Variants in KYNU observed in about 807,000 individuals in gnomAD.
The protein encoded by KYNU is L-kynurenine hydrolase.
KYNU carries 54 observed loss-of-function variants against 59.2 expected under a neutral mutation model. The ratio of observed to expected loss-of-function variants is 0.91; its 90% confidence interval spans 0.73 to 1.14. The LOEUF is 1.14. Ranked by LOEUF, KYNU falls within the 50% of genes most tolerant of loss-of-function variation. The pLI, the probability that KYNU is intolerant of heterozygous loss-of-function variation, is 0.00. For synonymous variants in KYNU, 177 were observed against 192.0 expected, an observed-to-expected ratio of 0.92 and a Z score of 0.65; for missense variants, 567 against 554.4, an observed-to-expected ratio of 1.02 and a Z score of -0.23.
At chr2:142,995,612 TGGCATGCCATGCCAAGCCTTCTAATG>T (rs1297704130) in intron 10 of KYNU, among the ~76,000 whole-genome samples, 1 of 152,116 alleles carries the variant, frequency 6.6e-6, no homozygotes, top group Non-Finnish European at 1.5e-5. Flanking sequence ...TTTAATGGCA[TGGCATGCCATGCCAAGCCTTCTAATG>T]GGCATGCTTG....
intron 4 of KYNU, chr2:142,953,897 A>C: frequency 6.6e-6 from 1 of 152,166 alleles, no homozygotes; most frequent in East Asian, 1.9e-4. Flanking sequence ...GAATCTGTCA[A>C]TTAGATTTAT....
intron 10 of KYNU, among the ~76,000 whole-genome samples, chr2:143,027,326 T>C (rs906301327): frequency 6.6e-6 from 1 of 152,212 alleles, no homozygotes; most frequent in Non-Finnish European, 1.5e-5. Context: ...TATTCAACAG[T>C]GGTTGATTTC....
Position 142,885,463 on chromosome 2 carries a change from C to A in KYNU, c.96C>A (p.His32Gln), listed in dbSNP as rs755209107. Residue 32 changes from histidine to glutamine, a missense_variant, in exon 2 of 14, where the codon CAC becomes CAA. By Grantham distance (24) the His-to-Gln change is conservative. Transcript: ENST00000264170. ...CAACGGATGAGAGGGTGGCTCTCCA[C>A]CTAGATGAGGAAGATAAGCTGAGGC... Reference protein sequence around the residue: ...CHPTDERVALHLDEEDKLRHF... With the variant: ...CHPTDERVALQLDEEDKLRHF... 1.2e-6 allele frequency: 2 copies of A among 1,613,990 alleles called. No individual in the cohort carries two copies. The highest frequency in any genetic ancestry group is 4.5e-5 in the East Asian group (2 of 44,854).
At chr2:142,947,596 T>G (rs1339865048) in intron 4 of KYNU, 1 of 166,904 alleles carries the variant, frequency 6.0e-6, no homozygotes, top group African/African-American at 2.4e-5. Flanking sequence ...TAGGTCAGGT[T>G]TTTTTTCATC....
chr2:143,017,876 G>A (rs549249022), intron 10 of KYNU, among the ~76,000 whole-genome samples: 2 of 152,170 alleles, frequency 1.3e-5, no homozygotes, highest in South Asian at 4.1e-4. Flanking sequence ...CTTTTGAGAA[G>A]CATCTGTTCA....
intron 4 of KYNU, 143 bp downstream of exon 4, chr2:142,927,884 A>G (rs1271584360): frequency 4.9e-6 from 3 of 615,850 alleles, no homozygotes; most frequent in Non-Finnish European, 8.7e-6. Flanking sequence ...AAGGAAGTAC[A>G]CTTTCAACTT....
chr2:142,992,527 T>C (rs2105173900), intron 10 of KYNU, among the ~76,000 whole-genome samples: 1 of 151,974 alleles, frequency 6.6e-6, no homozygotes, highest in African/African-American at 2.4e-5. Context: ...TGTCAAACCT[T>C]CTGCCATTGA....
intron 10 of KYNU, among the ~76,000 whole-genome samples, chr2:143,027,960 T>A (rs1288435828): frequency 6.6e-6 from 1 of 152,032 alleles, no homozygotes; most frequent in South Asian, 2.1e-4. Context: ...TAAGATACTA[T>A]TACAAGATAA....
At chr2:142,967,978 A>G (rs1391645908) in intron 8 of KYNU, among the ~76,000 whole-genome samples, 1 of 152,222 alleles carries the variant, frequency 6.6e-6, no homozygotes, top group East Asian at 1.9e-4. Context: ...CATAAAAATT[A>G]ACCTCTTTCA....
intron 4 of KYNU, among the ~76,000 whole-genome samples, chr2:142,938,435 T>G (rs1683466883): frequency 1.3e-5 from 2 of 152,258 alleles, no homozygotes; most frequent in African/African-American, 4.8e-5. Context: ...GAAAGTGACA[T>G]ACAGAGAAGG....
intron 12 of KYNU, 151 bp downstream of exon 12, chr2:143,033,472 C>G (rs1271149641): frequency 5.3e-6 from 4 of 751,122 alleles, no homozygotes; most frequent in Non-Finnish European, 9.8e-6. Context: ...CCCTTTAGGA[C>G]AGTGATGATG....
chr2:143,027,908 G>A (rs563502551), intron 10 of KYNU, among the ~76,000 whole-genome samples: 71 of 152,006 alleles, frequency 4.7e-4, no homozygotes, highest in Non-Finnish European at 8.1e-4. Flanking sequence ...TCTCATTTAT[G>A]TACTGCATTT....
chr2:142,897,836 C>A (rs1053936706), intron 2 of KYNU, among the ~76,000 whole-genome samples: 4 of 152,164 alleles, frequency 2.6e-5, no homozygotes, highest in Non-Finnish European at 5.9e-5. Flanking sequence ...AGAATATTAT[C>A]TTTACATACA....
intron 12 of KYNU, among the ~76,000 whole-genome samples, chr2:143,037,620 C>A (rs1486530919): frequency 6.6e-6 from 1 of 152,018 alleles, no homozygotes; most frequent in Non-Finnish European, 1.5e-5. Context: ...ACTTATCTAG[C>A]TTTTCAAGCT....
chr2:142,939,779 T>G (rs559685549), intron 4 of KYNU, among the ~76,000 whole-genome samples: 33 of 152,086 alleles, frequency 2.2e-4, no homozygotes, highest in African/African-American at 6.8e-4. Flanking sequence ...AATTTACAAC[T>G]ATTATTGAAG....
chr2:142,957,569 T>C (rs1684208965), intron 6 of KYNU, 72 bp from the exon 7 acceptor site: 1 of 939,552 alleles, frequency 1.1e-6, no homozygotes, highest in Non-Finnish European at 1.7e-6. Flanking sequence ...ATTTTTACTT[T>C]ATTATTTGTT....
intron 8 of KYNU, among the ~76,000 whole-genome samples, chr2:142,973,306 A>C (rs1168972713): frequency 1.3e-5 from 2 of 152,154 alleles, no homozygotes; most frequent in Non-Finnish European, 2.9e-5. Flanking sequence ...CTAAATGTCA[A>C]GAAGGCATAG....
At chr2:142,921,051 T>C (rs970191541) in intron 3 of KYNU, among the ~76,000 whole-genome samples, 1 of 152,176 alleles carries the variant, frequency 6.6e-6, no homozygotes, top group Middle Eastern at 3.2e-3. Flanking sequence ...GCCAATTAAT[T>C]GACAACAGAC....
intron 8 of KYNU, among the ~76,000 whole-genome samples, chr2:142,965,168 T>C (rs1684487698): frequency 6.6e-6 from 1 of 152,156 alleles, no homozygotes; most frequent in Non-Finnish European, 1.5e-5. Flanking sequence ...TACATCCGGA[T>C]GTCCTATATG....
Sources: allele counts gnomAD v4.1 joint callset (sites outside exome capture counted in the v4.1 genomes callset), GRCh38; gene constraint gnomAD v4.1.1; transcripts MANE v1.5; gene names NCBI Gene and HGNC (gene_info 2026-07-23, HGNC 2026-07-21).